Variants in ZNF19 observed in about 807,000 individuals in gnomAD.
ZNF19 encodes the protein zinc finger protein 19.
Under a neutral mutation model 13.1 loss-of-function variants are expected in ZNF19, and 11 were observed. The ratio of observed to expected loss-of-function variants is 0.84; its 90% confidence interval spans 0.53 to 1.39. The LOEUF (loss-of-function observed/expected upper bound fraction) is 1.39, where lower values mean the gene tolerates loss of function less well. Ranked by LOEUF, ZNF19 falls within the 40% of genes most tolerant of loss-of-function variation. The probability of loss-of-function intolerance (pLI) is 0.00; values close to 1 mark genes in which losing one functional copy is unlikely to be tolerated. For missense variants in ZNF19, 560 were observed against 547.0 expected (o/e 1.02, Z -0.24); for synonymous variants, 186 against 187.0 (o/e 0.99, Z 0.04).
At chr16:71,483,388 C>G (rs2145171480) in intron 2 of ZNF19, among the ~76,000 whole-genome samples, 1 of 152,326 alleles carries the variant, frequency 6.6e-6, no homozygotes, top group Admixed American at 6.5e-5. Flanking sequence ...TTCTGCGAGC[C>G]TCATCTTGTG....
chr16:71,482,077 C>G lies in ZNF19; in HGVS notation c.33+5G>C, dbSNP rs773391177. On this transcript the variant is annotated splice_donor_5th_base_variant and intron_variant, in intron 3 of 5. Coordinates refer to ENST00000288177, the MANE Select transcript of ZNF19 (RefSeq NM_006961.4). Reference sequence around the variant, plus strand: ...TAGAGCTGACCTCAGGGATCCACAGCTCACCTGGTATTGAGCTTTCAGAGG... The same window carrying G: ...TAGAGCTGACCTCAGGGATCCACAGGTCACCTGGTATTGAGCTTTCAGAGG... 6.2e-7 allele frequency: 1 copy of G among 1,614,156 alleles called. No homozygotes were observed. The highest frequency in any genetic ancestry group is 2.2e-5 in the East Asian group (1 of 44,886).
chr16:71,481,956 A>G (rs571681447), intron 3 of ZNF19, 126 bp downstream of exon 3: 1 of 964,892 alleles, frequency 1.0e-6, no homozygotes, highest in Admixed American at 2.0e-5. Flanking sequence ...ACCCAGTCCT[A>G]CTGGAGGGAA....
chr16:71,483,818 G>A (rs901630046), intron 2 of ZNF19, among the ~76,000 whole-genome samples: 1 of 152,218 alleles, frequency 6.6e-6, no homozygotes, highest in Non-Finnish European at 1.5e-5. Flanking sequence ...GCATGATCCT[G>A]TCCCTCGCAG....
chr16:71,475,550 C>G lies in ZNF19; in HGVS notation c.997G>C (p.Val333Leu). The change falls in exon 6 of 6, where the codon GTA becomes CTA. Residue 333 changes from valine (V) to leucine (L), a missense_variant. By Grantham distance (32) the Val-to-Leu change is conservative. Transcript: ENST00000288177. Reference sequence around the variant, plus strand: ...TGAAAATTGAAGGCTTGTCCACATACTTTACAAGAATAAGGCTTTTCCCCT... The same window carrying G: ...TGAAAATTGAAGGCTTGTCCACATAGTTTACAAGAATAAGGCTTTTCCCCT... ...HTGEKPYSCK[V>L]CGQAFNFHTK... 1 of 1,614,098 alleles carries G rather than the reference C, an allele frequency of 6.2e-7. No individual in the cohort carries two copies. The highest frequency in any genetic ancestry group is 8.5e-7 in the Non-Finnish European group (1 of 1,180,016).
intron 5 of ZNF19, among the ~76,000 whole-genome samples, chr16:71,477,715 C>T (rs2145167334): frequency 1.3e-5 from 2 of 152,254 alleles, no homozygotes; most frequent in East Asian, 3.9e-4. Flanking sequence ...CTGTGCTCAG[C>T]TCTGAATTCC....
chr16:71,484,407 G>T (rs950415277), intron 2 of ZNF19, among the ~76,000 whole-genome samples, 182 bp downstream of exon 2: 1 of 152,214 alleles, frequency 6.6e-6, no homozygotes, highest in Non-Finnish European at 1.5e-5. Context: ...ATGCAGGCGT[G>T]GGGGAGCGAA....
chr16:71,478,454 G>C (rs927741919), intron 4 of ZNF19, 113 bp from the exon 5 acceptor site: 4 of 785,726 alleles, frequency 5.1e-6, no homozygotes, highest in Non-Finnish European at 8.9e-6. Flanking sequence ...TTCTCGACTG[G>C]AGAAGGCCAA....
In ZNF19 at chr16:71,475,762, A is replaced by G; in HGVS notation, c.785T>C (p.Ile262Thr). 2 of 1,607,250 alleles carry G rather than the reference A, an allele frequency of 1.2e-6. No homozygotes were observed. The highest frequency in any genetic ancestry group is 1.7e-6 in the Non-Finnish European group (2 of 1,177,602). ...NSFTSSSEFV[I>T]HQRIHTGEKP... Reference sequence around the variant, plus strand: ...CTCCCCAGTGTGGATTCTCTGATGTATAACAAACTCGGAACTACTCGTGAA... The same window carrying G: ...CTCCCCAGTGTGGATTCTCTGATGTGTAACAAACTCGGAACTACTCGTGAA... The change falls in exon 6 of 6, where the codon ATA becomes ACA. Residue 262 changes from isoleucine (I) to threonine (T), a missense_variant. Ile to Thr is a moderately conservative substitution (Grantham distance 89). Coordinates refer to ENST00000288177, the MANE Select transcript of ZNF19 (RefSeq NM_006961.4).
chr16:71,479,543 T>A (rs374196767), intron 3 of ZNF19, among the ~76,000 whole-genome samples: 9 of 152,300 alleles, frequency 5.9e-5, no homozygotes, highest in African/African-American at 2.2e-4. Context: ...TCGATTCTTG[T>A]ATAAAGGACT....
intron 2 of ZNF19, among the ~76,000 whole-genome samples, chr16:71,482,821 C>T (rs894371434): frequency 6.6e-6 from 1 of 152,206 alleles, no homozygotes; most frequent in Non-Finnish European, 1.5e-5. Flanking sequence ...CCTGCCTCAG[C>T]CTCTCAAGTA....
In ZNF19 at chr16:71,474,131, T is replaced by C. The variant is rs1478788048; in HGVS notation, c.*1039A>G. The C allele has an allele frequency of 6.6e-6, 1 of 152,204 alleles. No individual in the cohort carries two copies. The highest frequency in any genetic ancestry group is 1.9e-4 in the East Asian group (1 of 5,190). The allele number at this position is 152,204 out of a possible 1,614,324, so 9.4% of individuals were successfully genotyped here. ...ACGTGGGAGAAAAAAAGGGTGCAGT[T>C]TGTGTTCATCACCAAAGAAAAGGGC... On this transcript the variant is annotated 3_prime_UTR_variant, in exon 6 of 6. Transcript: ENST00000288177.
At position 71,476,154 on chromosome 16, in the gene ZNF19, T is replaced by C; in HGVS notation, c.393A>G (p.Glu131=). 1 of 1,614,202 alleles carries C rather than the reference T, an allele frequency of 6.2e-7. No individual in the cohort carries two copies. The highest frequency in any genetic ancestry group is 8.5e-7 in the Non-Finnish European group (1 of 1,180,028). ...KSVPQRTDFP[E]TRNVEKHQDI... ...CCTGGTGCTTTTCCACATTACGTGT[T>C]TCTGGGAAGTCAGTTCTCTGAGGGA... Residue 131 remains glutamate, a synonymous_variant, in exon 6 of 6, where the codon GAA becomes GAG. Coordinates refer to ENST00000288177, the MANE Select transcript of ZNF19 (RefSeq NM_006961.4).
In ZNF19 at chr16:71,475,038, G is replaced by A. The variant is rs899207861; in HGVS notation, c.*132C>T. ...TGGGACTCTAATTGAACCATCTTTG[G>A]TCATCTACTGACATCTGAATCATTA... On this transcript the variant is annotated 3_prime_UTR_variant, in exon 6 of 6. Transcript: ENST00000288177. 6.8e-5 allele frequency: 77 copies of A among 1,132,612 alleles called. No homozygotes were observed. In the African/African-American group the frequency reaches 1.2e-3, roughly 17 times the overall value. 70.2% of individuals were successfully genotyped at this position (1,132,612 alleles called of 1,614,324 possible). A position where few individuals can be genotyped will look rare whatever the true frequency, so the allele number is the denominator to read the frequency against.
intron 3 of ZNF19, among the ~76,000 whole-genome samples, chr16:71,479,544 A>G (rs1044802230): frequency 1.4e-4 from 22 of 152,166 alleles, no homozygotes; most frequent in Admixed American, 1.2e-3. Flanking sequence ...CGATTCTTGT[A>G]TAAAGGACTG....
chr16:71,478,507 C>T (rs2043616455), intron 4 of ZNF19, 166 bp from the exon 5 acceptor site: 1 of 711,356 alleles, frequency 1.4e-6, no homozygotes, highest in Non-Finnish European at 2.5e-6. Context: ...GTGACTTCTT[C>T]CTAAAAAAAA....
intron 1 of ZNF19, among the ~76,000 whole-genome samples, chr16:71,487,946 G>A (rs1233063565): frequency 3.9e-5 from 6 of 152,166 alleles, no homozygotes; most frequent in African/African-American, 1.2e-4. Context: ...CATACTTAAT[G>A]ATGAAAGACA....
intron 3 of ZNF19, among the ~76,000 whole-genome samples, 185 bp downstream of exon 3, chr16:71,481,897 A>G (rs2043639164): frequency 1.3e-5 from 2 of 152,222 alleles, no homozygotes; most frequent in South Asian, 4.2e-4. Context: ...AGCTTTCCAG[A>G]TCACTCTCTC....
chr16:71,484,486 G>A (rs2043661539), intron 2 of ZNF19, 103 bp downstream of exon 2: 13 of 982,176 alleles, frequency 1.3e-5, no homozygotes, highest in Non-Finnish European at 1.6e-5. Flanking sequence ...GGGCCGCCCT[G>A]TCTCCCTCCA....
chr16:71,478,463 A>G, intron 4 of ZNF19, 122 bp from the exon 5 acceptor site: 1 of 757,518 alleles, frequency 1.3e-6, no homozygotes, highest in East Asian at 2.7e-5. Flanking sequence ...GGAGAAGGCC[A>G]AAGAGATTCC....
Sources: allele counts gnomAD v4.1 joint callset (sites outside exome capture counted in the v4.1 genomes callset), GRCh38; gene constraint gnomAD v4.1.1; transcripts MANE v1.5; gene names NCBI Gene and HGNC (gene_info 2026-07-23, HGNC 2026-07-21).